The following MYH15 variants were observed in gnomAD, a reference collection of about 807,000 sequenced individuals.
The protein encoded by MYH15 is myosin heavy chain 15.
In MYH15, 227 loss-of-function variants were observed where a neutral mutation model predicts 240.5. The observed-to-expected ratio is 0.94, with a 90% CI of 0.85 to 1.05. MYH15 has a LOEUF of 1.05. MYH15 is among the 50% of genes least tolerant of loss of function. The probability of loss-of-function intolerance (pLI) is 0.00; values close to 1 mark genes in which losing one functional copy is unlikely to be tolerated. For missense variants in MYH15, 2,217 were observed against 2,247.5 expected (o/e 0.99, Z 0.27); for synonymous variants, 785 against 796.7 (o/e 0.99, Z 0.25).
intron 18 of MYH15, among the ~76,000 whole-genome samples, chr3:108,458,012 C>T (rs1306183648): frequency 1.3e-5 from 2 of 152,126 alleles, no homozygotes; most frequent in African/African-American, 4.8e-5. Flanking sequence ...TCAGCCACTG[C>T]ACTCTAGTCT....
chr3:108,498,714 C>A (rs536578521), intron 5 of MYH15, among the ~76,000 whole-genome samples: 1 of 152,330 alleles, frequency 6.6e-6, no homozygotes, highest in East Asian at 1.9e-4. Context: ...AATAGTTTAT[C>A]CTGTCTGTGA....
At chr3:108,497,155 CGT>C (rs2083397640) in intron 6 of MYH15, among the ~76,000 whole-genome samples, 1 of 62,706 alleles carries the variant, frequency 1.6e-5, no homozygotes, top group Non-Finnish European at 2.8e-5. Flanking sequence ...AGCGAGACTC[CGT>C]AAAAAAAAAA....
the MYH15 span, among the ~76,000 whole-genome samples, chr3:108,535,591 C>T: frequency 2.0e-5 from 3 of 151,962 alleles, no homozygotes; most frequent in Non-Finnish European, 2.9e-5. Flanking sequence ...TGGTGGGTCC[C>T]AGTAATCTGT....
chr3:108,413,705 C>T (rs2082611575), intron 30 of MYH15, among the ~76,000 whole-genome samples: 1 of 152,118 alleles, frequency 6.6e-6, no homozygotes, highest in African/African-American at 2.4e-5. Context: ...TTAGGGGTGG[C>T]CTGGGGATGA....
Position 108,463,163 on chromosome 3 carries a change from A to G in MYH15, c.1812T>C (p.Ser604=). ...AAAGGCTCGCCAGGAGTCTGTTGGA[A>G]GACTTCTGAAATACAGCTACCACTG... ...NETVVAVFQK[S]SNRLLASLFE... The change falls in exon 16 of 41, where the codon TCT becomes TCC. Residue 604 remains serine, a synonymous_variant. Transcript: ENST00000693548. 1 of 1,613,302 alleles carries G rather than the reference A, an allele frequency of 6.2e-7. No homozygotes were observed. Among genetic ancestry groups the G allele is most frequent in the Non-Finnish European group, 8.5e-7 (1 of 1,179,608 alleles).
At chr3:108,385,932 G>C (rs928096582) in intron 38 of MYH15, among the ~76,000 whole-genome samples, 1 of 151,998 alleles carries the variant, frequency 6.6e-6, no homozygotes, top group African/African-American at 2.4e-5. Flanking sequence ...CCACCTTAAA[G>C]TACCATGTAA....
At chr3:108,450,264 A>G (rs1416878435) in intron 21 of MYH15, among the ~76,000 whole-genome samples, 2 of 152,350 alleles carry the variant, frequency 1.3e-5, no homozygotes, top group African/African-American at 2.4e-5. Flanking sequence ...TGTTCATTGT[A>G]CTATTATTTG....
intron 35 of MYH15, among the ~76,000 whole-genome samples, chr3:108,396,175 C>A (rs1302019102): frequency 6.6e-6 from 1 of 152,214 alleles, no homozygotes; most frequent in Non-Finnish European, 1.5e-5. Context: ...ATCCTCATCT[C>A]TCTCTAGGCT....
chr3:108,442,004 CT>C (rs1223647065), intron 22 of MYH15, among the ~76,000 whole-genome samples: 1 of 152,184 alleles, frequency 6.6e-6, no homozygotes. Flanking sequence ...TACAGAGCAC[CT>C]TTCATAACTT....
intron 27 of MYH15, among the ~76,000 whole-genome samples, chr3:108,427,635 CAGAG>C (rs1553766067): frequency 7.5e-5 from 11 of 146,732 alleles, no homozygotes; most frequent in East Asian, 2.0e-4. Flanking sequence ...CACACACACA[CAGAG>C]AGAGAGAGAG....
At chr3:108,480,488 G>A (rs986750611) in intron 11 of MYH15, among the ~76,000 whole-genome samples, 5 of 152,186 alleles carry the variant, frequency 3.3e-5, no homozygotes, top group African/African-American at 1.2e-4. Flanking sequence ...GGAGCTGTAA[G>A]CAGAGAAATG....
chr3:108,496,990 T>C (rs2083396201), intron 6 of MYH15, among the ~76,000 whole-genome samples: 1 of 150,342 alleles, frequency 6.7e-6, no homozygotes, highest in South Asian at 2.1e-4. Context: ...CGAAACCCCG[T>C]CTCTACTAAA....
rs114110019 is a variant in MYH15, at chr3:108,406,918, T to C, written c.4620+1362A>G. 6.2e-3 allele frequency among the ~76,000 whole-genome samples: 950 copies of C among 152,322 alleles called. 7 individuals are homozygous for C. Among genetic ancestry groups the C allele is most frequent in the African/African-American group, 0.019 (793 of 41,592 alleles). On this transcript the variant is annotated intron_variant, in intron 32 of 40. Transcript: ENST00000693548. ...AGTTGTATTTTTCATTGGCTTGTCA[T>C]AGTACTTGAAATTTCTATCATAAAA...
Position 108,510,462 on chromosome 3 carries a change from T to C in MYH15, c.69A>G (p.Leu23=). 1.2e-6 allele frequency: 2 copies of C among 1,612,796 alleles called. No homozygotes were observed. Among genetic ancestry groups the C allele is most frequent in the South Asian group, 2.2e-5 (2 of 90,922 alleles). ...LRRSEAELLL[L]QATALDGKKK... ...TCTCACCATCCAAGGCTGTGGCCTG[T>C]AGTAGAAGCAGCTCAGCTTCACTTC... The change falls in exon 1 of 41, where the codon CTA becomes CTG. Residue 23 remains leucine (L), a synonymous_variant. Transcript: ENST00000693548.
intron 8 of MYH15, among the ~76,000 whole-genome samples, chr3:108,492,911 C>CG (rs2083363174): frequency 6.6e-6 from 1 of 151,186 alleles, no homozygotes; most frequent in Admixed American, 6.6e-5. Flanking sequence ...GATCATGCCA[C>CG]GGCACTCCAG....
the MYH15 span, chr3:108,550,644 A>T: frequency 6.6e-6 from 1 of 151,784 alleles, no homozygotes; most frequent in Non-Finnish European, 1.5e-5. Context: ...AAATTCACTA[A>T]TATTTTCTTT....
At chr3:108,495,339 G>T (rs1383730734) in intron 7 of MYH15, among the ~76,000 whole-genome samples, 1 of 152,168 alleles carries the variant, frequency 6.6e-6, no homozygotes, top group African/African-American at 2.4e-5. Flanking sequence ...CAGGGGTTAA[G>T]GAGGCCACAG....
In MYH15 at chr3:108,396,325, C is replaced by A. The variant is rs2082460286; in HGVS notation, c.5134-2169G>T. Among the ~76,000 whole-genome samples, 2 of 152,160 alleles carry A rather than the reference C, an allele frequency of 1.3e-5. 1 individual carries two copies. The highest frequency in any genetic ancestry group is 4.1e-4 in the South Asian group (2 of 4,824). On this transcript the variant is annotated intron_variant, in intron 35 of 40. Coordinates refer to ENST00000693548, the MANE Select transcript of MYH15 (RefSeq NM_014981.3). ...TTGGTTTCATGGAAGAAAATTTTTCCATAGACCAGGTAGCAGGGTTGGGGG... is the reference window on the plus strand; with the variant it reads ...TTGGTTTCATGGAAGAAAATTTTTCAATAGACCAGGTAGCAGGGTTGGGGG...
rs1295913032 is a variant in MYH15, at chr3:108,381,518, G to A, written c.*27C>T. ...ACAGCACCTTCCTTGTACTTCTCCAGCTGTTGTCCTTTCAAAGCAGGGGAT... is the reference window on the plus strand; with the variant it reads ...ACAGCACCTTCCTTGTACTTCTCCAACTGTTGTCCTTTCAAAGCAGGGGAT... On this transcript the variant is annotated 3_prime_UTR_variant, in exon 41 of 41. Transcript: ENST00000693548. The A allele has an allele frequency of 2.5e-6, 4 of 1,612,812 alleles. No homozygotes were observed. The highest frequency in any genetic ancestry group is 3.3e-5 in the Admixed American group (2 of 60,024).
Sources: allele counts gnomAD v4.1 joint callset (sites outside exome capture counted in the v4.1 genomes callset), GRCh38; gene constraint gnomAD v4.1.1; transcripts MANE v1.5; gene names NCBI Gene and HGNC (gene_info 2026-07-23, HGNC 2026-07-21).